The following PTPRN2 variants were observed in gnomAD, a reference collection of about 807,000 sequenced individuals.
PTPRN2 encodes the protein receptor-type tyrosine-protein phosphatase N2.
PTPRN2 carries 74 observed loss-of-function variants against 118.8 expected under a neutral mutation model. The ratio of observed to expected loss-of-function variants is 0.62; its 90% confidence interval spans 0.52 to 0.76. The LOEUF is 0.76. Ranked by LOEUF, PTPRN2 falls within the 30% of genes least tolerant of loss-of-function variation. The pLI is 0.00. For missense variants in PTPRN2, 1,481 were observed against 1,394.4 expected (o/e 1.06, Z -0.99); for synonymous variants, 641 against 608.0 (o/e 1.05, Z -0.80).
chr7:157,613,395 G>A (rs570108477), intron 15 of PTPRN2, among the ~76,000 whole-genome samples: 2 of 152,206 alleles, frequency 1.3e-5, no homozygotes, highest in African/African-American at 4.8e-5. Context: ...GGGCGGAGGC[G>A]GGTCCGGGCG....
intron 3 of PTPRN2, among the ~76,000 whole-genome samples, chr7:158,217,671 T>C (rs1828045629): frequency 6.6e-6 from 1 of 152,110 alleles, no homozygotes; most frequent in South Asian, 2.1e-4. Context: ...CTCAATGAGA[T>C]ACAGGAGAAA....
chr7:158,446,621 C>T (rs1040338402), intron 2 of PTPRN2, among the ~76,000 whole-genome samples: 1 of 152,276 alleles, frequency 6.6e-6, no homozygotes, highest in Non-Finnish European at 1.5e-5. Flanking sequence ...CACGGAGCAG[C>T]TTGAAAATCC....
intron 11 of PTPRN2, among the ~76,000 whole-genome samples, chr7:158,075,858 T>C (rs959643426): frequency 6.6e-6 from 1 of 152,214 alleles, no homozygotes; most frequent in Non-Finnish European, 1.5e-5. Context: ...CCAGCCTGCG[T>C]TGATCCTGGC....
chr7:158,487,446 G>T (rs1307120979), intron 2 of PTPRN2, among the ~76,000 whole-genome samples: 4 of 152,180 alleles, frequency 2.6e-5, no homozygotes, highest in African/African-American at 9.7e-5. Flanking sequence ...ATTTTCAGGG[G>T]TTTTTTAATA....
chr7:157,831,517 C>A lies in PTPRN2; in HGVS notation c.1788+67156G>T, dbSNP rs1235238068. On this transcript the variant is annotated intron_variant, in intron 12 of 22. Coordinates refer to ENST00000389418, the MANE Select transcript of PTPRN2 (RefSeq NM_002847.5). The surrounding 1 kb of genome is among the most constrained non-coding windows in gnomAD (Gnocchi z 4.8). ...GCCCTCCCCATCCCTGTCCACGGCC[C>A]CTCTCACCCTGCAGTACTGAGCAGG... Among the ~76,000 whole-genome samples, 1 of 152,106 alleles carries A rather than the reference C, an allele frequency of 6.6e-6. No homozygotes were observed. The highest frequency in any genetic ancestry group is 2.4e-5 in the African/African-American group (1 of 41,424).
At chr7:158,263,408 C>T (rs546332524) in intron 3 of PTPRN2, among the ~76,000 whole-genome samples, 149 of 147,746 alleles carry the variant, frequency 1.0e-3, no homozygotes, top group African/African-American at 3.5e-3. Context: ...CATTCATCCA[C>T]AATGCACAAA....
rs771272951 is a variant in PTPRN2, at chr7:157,813,419, C to T, written c.1788+85254G>A. On this transcript the variant is annotated intron_variant, in intron 12 of 22. Transcript: ENST00000389418. This position sits in a 1 kb window ranked among gnomAD's most constrained non-coding sequence, Gnocchi z 4.7. ...GTCAGAGGCGGACAGGGGTTCGATA[C>T]GCCATTCAGGTCCCCAAAACAGCAT... Among the ~76,000 whole-genome samples, 13 of 152,062 alleles carry T rather than the reference C, an allele frequency of 8.5e-5. No homozygotes were observed. Among genetic ancestry groups the T allele is most frequent in the Non-Finnish European group, 1.2e-4 (8 of 68,022 alleles).
chr7:157,681,482 GA>G (rs1796913162), intron 13 of PTPRN2, among the ~76,000 whole-genome samples: 1 of 152,246 alleles, frequency 6.6e-6, no homozygotes, highest in South Asian at 2.1e-4. Context: ...TTCTTTGTAA[GA>G]AAAAGATCGT....
intron 6 of PTPRN2, among the ~76,000 whole-genome samples, chr7:158,145,230 G>A (rs1563504963): frequency 6.7e-6 from 1 of 149,858 alleles, no homozygotes; most frequent in Non-Finnish European, 1.5e-5. Flanking sequence ...ACGGTGAGAA[G>A]GTTCCAGAAT....
intron 21 of PTPRN2, among the ~76,000 whole-genome samples, chr7:157,559,890 C>T (rs1019844627): frequency 7.2e-5 from 11 of 152,180 alleles, no homozygotes; most frequent in Non-Finnish European, 1.5e-4. Context: ...CTGCTGCCAG[C>T]TCCCTCGCTG....
rs73730444 is a variant in PTPRN2, at chr7:158,563,888, A to T, written c.112+23670T>A. ...ATTTCTAAGATTGGGGTCATTCCTT[A>T]CACCTGGATTTGTTCTCCAGTAAGT... On this transcript the variant is annotated intron_variant, in intron 1 of 22. Coordinates refer to ENST00000389418, the MANE Select transcript of PTPRN2 (RefSeq NM_002847.5). This position sits in a 1 kb window ranked among gnomAD's most constrained non-coding sequence, Gnocchi z 5.1. Among the ~76,000 whole-genome samples the T allele has an allele frequency of 4.2e-3, 643 of 152,344 alleles. 2 individuals carry two copies. The highest frequency in any genetic ancestry group is 0.015 in the African/African-American group (607 of 41,584).
intron 12 of PTPRN2, among the ~76,000 whole-genome samples, chr7:157,694,634 C>A (rs1797680316): frequency 6.6e-6 from 1 of 152,088 alleles, no homozygotes. Context: ...TTTTAAATTC[C>A]CTTTTTATTT....
chr7:157,855,110 G>A (rs916278364), intron 12 of PTPRN2, among the ~76,000 whole-genome samples: 11 of 151,044 alleles, frequency 7.3e-5, no homozygotes, highest in Non-Finnish European at 1.5e-4. Context: ...GTGTGGGGCC[G>A]GATCGGGGAG....
chr7:158,521,715 A>G (rs13309528), intron 1 of PTPRN2, among the ~76,000 whole-genome samples: 1,261 of 33,244 alleles, frequency 0.038, 45 homozygotes, highest in Middle Eastern at 0.065. Flanking sequence ...GTAGTGGCTC[A>G]GGAGGGAGGT....
intron 17 of PTPRN2, among the ~76,000 whole-genome samples, chr7:157,580,850 C>A (rs1473013834): frequency 3.7e-4 from 25 of 67,466 alleles, no homozygotes; most frequent in East Asian, 7.8e-4. Flanking sequence ...ACACCCGAGC[C>A]CCTGCACACC....
chr7:157,770,873 C>T (rs559929896), intron 12 of PTPRN2, among the ~76,000 whole-genome samples: 11 of 152,328 alleles, frequency 7.2e-5, no homozygotes, highest in East Asian at 1.9e-4. Flanking sequence ...GCTGTGGGCC[C>T]GCTTGGCCAG....
At chr7:157,856,711 G>C (rs1374477465) in intron 12 of PTPRN2, among the ~76,000 whole-genome samples, 1 of 152,262 alleles carries the variant, frequency 6.6e-6, no homozygotes, top group Non-Finnish European at 1.5e-5. Flanking sequence ...TTGCTGTGCT[G>C]CAATGATGTG....
At chr7:158,071,456 T>TTGCTCCTGGTGGTG (rs1811624894) in intron 11 of PTPRN2, among the ~76,000 whole-genome samples, 2 of 20,180 alleles carry the variant, frequency 9.9e-5, no homozygotes, top group Non-Finnish European at 2.1e-4. Flanking sequence ...TGCTCGTGGT[T>TTGCTCCTGGTGGTG]GAGGTGCTCG....
At chr7:158,242,572 C>T (rs911760405) in intron 3 of PTPRN2, among the ~76,000 whole-genome samples, 2 of 152,176 alleles carry the variant, frequency 1.3e-5, no homozygotes, top group Admixed American at 1.3e-4. Flanking sequence ...AGTGTTTCCT[C>T]CTCTTCAGTG....
Sources: gnomAD v4.1 joint callset for allele counts (sites outside exome capture counted in the v4.1 genomes callset) on GRCh38, gnomAD v4.1.1 for gene constraint, Gnocchi (gnomAD v3.1) non-coding constraint, MANE v1.5 for transcripts, NCBI Gene and HGNC (gene_info 2026-07-23, HGNC 2026-07-21) for gene names.